Variants in RNF220 observed in about 807,000 individuals in gnomAD.
RNF220 encodes the protein E3 ubiquitin-protein ligase RNF220.
RNF220 carries 7 observed loss-of-function variants against 67.1 expected under a neutral mutation model. That is an observed-to-expected ratio of 0.10 (90% CI 0.06 to 0.20). The LOEUF is 0.20. RNF220 is among the 10% of genes least tolerant of loss of function. The probability of loss-of-function intolerance (pLI) is 1.00; values close to 1 mark genes in which losing one functional copy is unlikely to be tolerated. For missense variants in RNF220, 565 were observed against 740.3 expected (o/e 0.76, Z 2.75); for synonymous variants, 270 against 283.2 (o/e 0.95, Z 0.47).
intron 2 of RNF220, among the ~76,000 whole-genome samples, chr1:44,602,126 G>A (rs1666965003): frequency 6.6e-6 from 1 of 152,082 alleles, no homozygotes. Flanking sequence ...TTGATGACAA[G>A]GATCTCCAGG....
chr1:44,480,851 A>G (rs1344126477), intron 2 of RNF220, among the ~76,000 whole-genome samples: 1 of 152,198 alleles, frequency 6.6e-6, no homozygotes, highest in Non-Finnish European at 1.5e-5. Context: ...GTAACACTGC[A>G]CTCCAGCCTG....
At chr1:44,584,412 C>A (rs920494313) in intron 2 of RNF220, among the ~76,000 whole-genome samples, 2 of 152,202 alleles carry the variant, frequency 1.3e-5, no homozygotes, top group Admixed American at 6.5e-5. Flanking sequence ...TCATTAACCT[C>A]GTAGGGATTA....
chr1:44,411,975 C>G lies in RNF220; in HGVS notation c.-117-6C>G. The G allele has an allele frequency of 9.1e-7, 1 of 1,097,262 alleles. No individual in the cohort carries two copies. The allele number at this position is 1,097,262 out of a possible 1,614,324, so 68.0% of individuals were successfully genotyped here. On this transcript the variant is annotated splice_polypyrimidine_tract_variant and splice_region_variant and intron_variant, in intron 1 of 14. Coordinates refer to ENST00000361799, the MANE Select transcript of RNF220 (RefSeq NM_018150.4). Reference sequence around the variant, plus strand: ...CCTTCTTTTTTTCTCTTTGCTGTTTCTACAGGTCTTAGGAGGGAATGATTC... The same window carrying G: ...CCTTCTTTTTTTCTCTTTGCTGTTTGTACAGGTCTTAGGAGGGAATGATTC...
chr1:44,546,867 G>A (rs1662200989), intron 2 of RNF220, among the ~76,000 whole-genome samples: 1 of 152,206 alleles, frequency 6.6e-6, no homozygotes, highest in Non-Finnish European at 1.5e-5. Context: ...CATTGCTACA[G>A]CAGCCTCTCC....
chr1:44,435,891 C>G (rs746769150), intron 2 of RNF220, among the ~76,000 whole-genome samples: 1 of 151,686 alleles, frequency 6.6e-6, no homozygotes, highest in Non-Finnish European at 1.5e-5. Flanking sequence ...CGTTGCACTC[C>G]GTCTTGGGTG....
chr1:44,498,411 G>A (rs1657537495), intron 2 of RNF220, among the ~76,000 whole-genome samples: 1 of 152,052 alleles, frequency 6.6e-6, no homozygotes, highest in South Asian at 2.1e-4. Flanking sequence ...CTTCGTTCCT[G>A]TAGGGCTCTG....
chr1:44,413,708 T>C (rs575409615), intron 2 of RNF220, among the ~76,000 whole-genome samples: 2 of 152,234 alleles, frequency 1.3e-5, no homozygotes, highest in African/African-American at 4.8e-5. Flanking sequence ...TTTATTTTCT[T>C]AAGAAAACTA....
At chr1:44,415,189 G>A (rs1053618868) in intron 2 of RNF220, among the ~76,000 whole-genome samples, 1 of 151,576 alleles carries the variant, frequency 6.6e-6, no homozygotes, top group African/African-American at 2.4e-5. Flanking sequence ...GTCATATGCC[G>A]ACGTGTGTCG....
Position 44,650,004 on chromosome 1 carries a change from G to C in RNF220, c.1629+47G>C, listed in dbSNP as rs552581497. ...GGAATGGGAGGCCGCTCCGGGCACT[G>C]CCCAGATGTCTGTGCTTATGCCTGA... On this transcript the variant is annotated intron_variant, in intron 14 of 14. Coordinates refer to ENST00000361799, the MANE Select transcript of RNF220 (RefSeq NM_018150.4). This position sits in a 1 kb window ranked among gnomAD's most constrained non-coding sequence, Gnocchi z 4.3. 2.5e-6 allele frequency: 4 copies of C among 1,585,678 alleles called. No individual in the cohort carries two copies. Among genetic ancestry groups the C allele is most frequent in the Admixed American group, 3.4e-5 (2 of 59,594 alleles).
At chr1:44,594,180 C>T (rs1488408718) in intron 2 of RNF220, among the ~76,000 whole-genome samples, 8 of 152,176 alleles carry the variant, frequency 5.3e-5, no homozygotes, top group Admixed American at 5.2e-4. Context: ...CCCAGAAGGG[C>T]CAGGCAGTGG....
At chr1:44,524,015 T>C (rs903311385) in intron 2 of RNF220, among the ~76,000 whole-genome samples, 11 of 151,872 alleles carry the variant, frequency 7.2e-5, no homozygotes, top group Middle Eastern at 3.2e-3. Flanking sequence ...GATTGAGCGA[T>C]GGGTCCTAGC....
Position 44,465,439 on chromosome 1 carries a change from ATTT to A in RNF220, c.625+52730_625+52732del, listed in dbSNP as rs11325368. On this transcript the variant is annotated intron_variant, in intron 2 of 14. Transcript: ENST00000361799. ...TTACTCTTAGATAAATCCATGTGCCATTTTTTTTTTTTTTTAGGTGGACCCTCG... is the reference window on the plus strand; with the variant it reads ...TTACTCTTAGATAAATCCATGTGCCATTTTTTTTTTTTAGGTGGACCCTCG... Among the ~76,000 whole-genome samples, 679 of 144,404 alleles carry A rather than the reference ATTT, an allele frequency of 4.7e-3. 7 individuals are homozygous for A. Among genetic ancestry groups the A allele is most frequent in the African/African-American group, 0.015 (609 of 39,640 alleles). 94.7% of individuals were successfully genotyped at this position (144,404 alleles called of 152,430 possible).
chr1:44,439,758 G>GA (rs984760021), intron 2 of RNF220, among the ~76,000 whole-genome samples: 1 of 151,674 alleles, frequency 6.6e-6, no homozygotes, highest in African/African-American at 2.4e-5. Flanking sequence ...CCCAGTTTTG[G>GA]AAAAAAAATC....
chr1:44,530,611 T>C (rs1660767550), intron 2 of RNF220, among the ~76,000 whole-genome samples: 1 of 150,966 alleles, frequency 6.6e-6, no homozygotes, highest in Admixed American at 6.6e-5. Context: ...GTATTGGAAA[T>C]GATGCAAAGA....
chr1:44,580,062 GAAAA>G (rs1665148814), intron 2 of RNF220, among the ~76,000 whole-genome samples: 2 of 110,790 alleles, frequency 1.8e-5, no homozygotes, highest in Admixed American at 9.2e-5. Context: ...AAAAAAGAAA[GAAAA>G]GAAAGAAAGA....
intron 2 of RNF220, among the ~76,000 whole-genome samples, chr1:44,589,613 CAAA>C (rs11437946): frequency 7.3e-5 from 8 of 109,348 alleles, no homozygotes; most frequent in Admixed American, 1.0e-4. Context: ...GACTGCATCT[CAAA>C]AAAAAAAAAA....
At chr1:44,464,356 G>A (rs1041818139) in intron 2 of RNF220, among the ~76,000 whole-genome samples, 1 of 152,208 alleles carries the variant, frequency 6.6e-6, no homozygotes, top group Non-Finnish European at 1.5e-5. Context: ...TCTTCTCATG[G>A]TGAGAGGCAG....
At chr1:44,428,559 G>A (rs1193807176) in intron 2 of RNF220, among the ~76,000 whole-genome samples, 7 of 152,006 alleles carry the variant, frequency 4.6e-5, no homozygotes, top group Admixed American at 2.0e-4. Flanking sequence ...ACTTCCAAGC[G>A]CCGTTCTCAC....
intron 2 of RNF220, among the ~76,000 whole-genome samples, chr1:44,568,225 G>A (rs1664170232): frequency 6.6e-6 from 1 of 152,136 alleles, no homozygotes. Flanking sequence ...AATCCTTACT[G>A]TGGCCACAAG....
Sources: allele counts gnomAD v4.1 joint callset (sites outside exome capture counted in the v4.1 genomes callset), GRCh38; gene constraint gnomAD v4.1.1; non-coding constraint Gnocchi (gnomAD v3.1); transcripts MANE v1.5; gene names NCBI Gene and HGNC (gene_info 2026-07-23, HGNC 2026-07-21).